ABCC4: variants seen among roughly 807,000 people sequenced by gnomAD.
ABCC4 encodes ATP binding cassette subfamily C member 4 (PEL blood group).
Under a neutral mutation model 168.5 loss-of-function variants are expected in ABCC4, and 102 were observed. The observed-to-expected ratio is 0.61, with a 90% CI of 0.52 to 0.71. The LOEUF is 0.71. ABCC4 is among the 30% of genes least tolerant of loss of function. The pLI is 0.00. For missense variants in ABCC4, 1,402 were observed against 1,605.8 expected (o/e 0.87, Z 2.17); for synonymous variants, 617 against 590.7 (o/e 1.04, Z -0.65).
At chr13:95,062,997 A>G (rs1205556943) in intron 25 of ABCC4, 138 bp from the exon 26 acceptor site, 2 of 1,001,578 alleles carry the variant, frequency 2.0e-6, no homozygotes, top group African/African-American at 1.6e-5. Flanking sequence ...GAGTTTCCCA[A>G]CCTCAGCACT....
chr13:95,253,841 A>G (rs1477287554), intron 1 of ABCC4, among the ~76,000 whole-genome samples: 1 of 152,186 alleles, frequency 6.6e-6, no homozygotes, highest in Non-Finnish European at 1.5e-5. Context: ...TGGAAGGTTA[A>G]GTGTTCCTTC....
At chr13:95,146,208 CAA>C (rs796273450) in intron 19 of ABCC4, among the ~76,000 whole-genome samples, 1,358 of 124,772 alleles carry the variant, frequency 0.011, 21 homozygotes, top group Non-Finnish European at 0.014. Flanking sequence ...AAGACTCTCT[CAA>C]AAAAAAAAAA....
At chr13:95,139,028 CT>C (rs1482673615) in intron 19 of ABCC4, among the ~76,000 whole-genome samples, 2 of 152,220 alleles carry the variant, frequency 1.3e-5, no homozygotes, top group Non-Finnish European at 2.9e-5. Context: ...CCCGTGGCCC[CT>C]GGGCCTCTCC....
intron 19 of ABCC4, among the ~76,000 whole-genome samples, chr13:95,152,209 C>T (rs983765924): frequency 6.6e-6 from 1 of 152,114 alleles, no homozygotes; most frequent in African/African-American, 2.4e-5. Context: ...CAAAGTCCAC[C>T]AAAGTAATCT....
chr13:95,177,966 C>G, intron 12 of ABCC4, 31 bp downstream of exon 12: 1 of 1,608,846 alleles, frequency 6.2e-7, no homozygotes, highest in East Asian at 2.2e-5. Flanking sequence ...TCAAAAGACA[C>G]CGGCATAGTG....
intron 1 of ABCC4, among the ~76,000 whole-genome samples, chr13:95,267,247 G>C (rs1422033717): frequency 2.0e-5 from 3 of 152,100 alleles, no homozygotes; most frequent in Non-Finnish European, 4.4e-5. Context: ...CTCGGTGGGA[G>C]GCAACTGAAT....
chr13:95,177,989 C>A lies in ABCC4; in HGVS notation c.1640+8G>T, dbSNP rs2037765367. The A allele has an allele frequency of 1.2e-6, 2 of 1,613,958 alleles. No homozygotes were observed. Among genetic ancestry groups the A allele is most frequent in the African/African-American group, 1.3e-5 (1 of 74,942 alleles). ...CACCGGCATAGTGGCTGCTGAAATGCAACTTACCTTGCAAGGTTTACCCGT... is the reference window on the plus strand; with the variant it reads ...CACCGGCATAGTGGCTGCTGAAATGAAACTTACCTTGCAAGGTTTACCCGT... On this transcript the variant is annotated splice_region_variant and intron_variant, in intron 12 of 30. Transcript: ENST00000645237.
At position 95,218,939 on chromosome 13, in the gene ABCC4, A is replaced by AAG. The variant is rs1566539539; in HGVS notation, c.532-8160_532-8159dup. Among the ~76,000 whole-genome samples, 293 of 29,398 alleles carry AAG rather than the reference A, an allele frequency of 1.0e-2. 3 individuals are homozygous for AAG. Among genetic ancestry groups the AAG allele is most frequent in the African/African-American group, 0.043 (268 of 6,170 alleles). The allele number at this position is 29,398 out of a possible 152,430, so 19.3% of individuals were successfully genotyped here. On this transcript the variant is annotated intron_variant, in intron 4 of 30. Transcript: ENST00000645237. ...AGAGAGAAAGAAAGAGAAAGAAAGA[A>AAG]AGAAAGAAAGAAAGAAAGAAAGAAA... is the stretch of plus-strand genomic sequence containing the variant.
intron 23 of ABCC4, 104 bp downstream of exon 23, chr13:95,074,110 C>T (rs1470056044): frequency 1.2e-6 from 1 of 864,318 alleles, no homozygotes; most frequent in Non-Finnish European, 1.8e-6. Flanking sequence ...TTCATTAGGA[C>T]CAAACAGTAT....
intron 1 of ABCC4, among the ~76,000 whole-genome samples, chr13:95,270,080 G>A (rs1005107555): frequency 1.3e-5 from 2 of 152,060 alleles, no homozygotes; most frequent in African/African-American, 4.8e-5. Context: ...AGGGAGGGAG[G>A]AAGACGACCA....
chr13:95,129,738 T>C (rs1326044757), intron 19 of ABCC4, among the ~76,000 whole-genome samples: 2 of 152,194 alleles, frequency 1.3e-5, no homozygotes, highest in Non-Finnish European at 2.9e-5. Flanking sequence ...AGAGCAAAGC[T>C]ATATATTACA....
At chr13:95,218,913 GA>G (rs2039206266) in intron 4 of ABCC4, among the ~76,000 whole-genome samples, 1 of 7,890 alleles carries the variant, frequency 1.3e-4, no homozygotes, top group Non-Finnish European at 2.6e-4. Context: ...GAAAGAGAGA[GA>G]GAGAGAAAGA....
chr13:95,078,036 G>C (rs914456923), intron 21 of ABCC4, among the ~76,000 whole-genome samples: 1 of 152,138 alleles, frequency 6.6e-6, no homozygotes, highest in Non-Finnish European at 1.5e-5. Context: ...CATCCTTGGG[G>C]CTCTTTCCTG....
chr13:95,152,967 C>T (rs972400022), intron 19 of ABCC4, among the ~76,000 whole-genome samples: 9 of 152,172 alleles, frequency 5.9e-5, no homozygotes, highest in African/African-American at 2.2e-4. Context: ...ATCCCAACAA[C>T]TTCCACTTAG....
At chr13:95,296,538 G>T (rs116784156) in intron 1 of ABCC4, among the ~76,000 whole-genome samples, 202 of 152,236 alleles carry the variant, frequency 1.3e-3, no homozygotes, top group African/African-American at 4.5e-3. Flanking sequence ...GGCTTTGCAA[G>T]ATGACACTTC....
rs1345137456 is a variant in ABCC4, at chr13:95,206,606, G to C, written c.1087C>G (p.Leu363Val). The stretch of plus-strand genomic sequence containing the variant: ...GAGGGGAAGAAGAGGGTAACCGTCA[G>C]CCGCACAGCCCCATACAGCGTCACT... ...VAVTLYGAVR[L>V]TVTLFFPSAI... Residue 363 changes from leucine (L) to valine (V), a missense_variant, in exon 8 of 31, where the codon CTG becomes GTG. Leu to Val is a conservative substitution (Grantham distance 32). Around this residue, in one of 3 missense-constraint regions of ABCC4, gnomAD observed 78 missense variants for 133.0 expected, o/e 0.59. Transcript: ENST00000645237. 2 of 1,614,154 alleles carry C rather than the reference G, an allele frequency of 1.2e-6. No individual in the cohort carries two copies. Among genetic ancestry groups the C allele is most frequent in the Non-Finnish European group, 8.5e-7 (1 of 1,180,020 alleles).
At chr13:95,214,053 A>G (rs150793042) in intron 4 of ABCC4, among the ~76,000 whole-genome samples, 407 of 152,364 alleles carry the variant, frequency 2.7e-3, no homozygotes, top group African/African-American at 9.4e-3. Flanking sequence ...AAATATGGTT[A>G]TAACAAGTAG....
At chr13:95,029,212 A>ATC (rs1555302132) in intron 30 of ABCC4, among the ~76,000 whole-genome samples, 4 of 36,138 alleles carry the variant, frequency 1.1e-4, no homozygotes, top group African/African-American at 4.1e-4. Flanking sequence ...ATATATATAT[A>ATC]TAGAGAGAGA....
chr13:95,252,192 A>G (rs2040282051), intron 1 of ABCC4, among the ~76,000 whole-genome samples: 1 of 152,178 alleles, frequency 6.6e-6, no homozygotes, highest in Non-Finnish European at 1.5e-5. Flanking sequence ...CTTTATGTGA[A>G]AAGGTTAAGG....
Sources: allele counts gnomAD v4.1 joint callset (sites outside exome capture counted in the v4.1 genomes callset), GRCh38; gene constraint gnomAD v4.1.1; regional missense constraint gnomAD v4.1.1; transcripts MANE v1.5; gene names NCBI Gene and HGNC (gene_info 2026-07-23, HGNC 2026-07-21).